The following KCNT2 variants were observed in gnomAD, a reference collection of about 807,000 sequenced individuals.
The protein encoded by KCNT2 is potassium sodium-activated channel subfamily T member 2.
Under a neutral mutation model 153.8 loss-of-function variants are expected in KCNT2, and 67 were observed. The ratio of observed to expected loss-of-function variants is 0.44; its 90% CI spans 0.36 to 0.53. The LOEUF (loss-of-function observed/expected upper bound fraction) is 0.53. Among genes scored for constraint, KCNT2 ranks in the 20% least tolerant of loss-of-function variants. The probability of loss-of-function intolerance (pLI) is 0.00; values close to 1 mark genes in which losing one functional copy is unlikely to be tolerated. For missense variants in KCNT2, 975 were observed against 1,354.8 expected (o/e 0.72, Z 4.40); for synonymous variants, 500 against 458.8 (o/e 1.09, Z -1.15).
At chr1:196,289,579 G>A (rs1659998625) in intron 22 of KCNT2, among the ~76,000 whole-genome samples, 1 of 152,030 alleles carries the variant, frequency 6.6e-6, no homozygotes, top group Non-Finnish European at 1.5e-5. Flanking sequence ...CCAGAAACAA[G>A]AAACAAACGT....
chr1:196,548,984 A>G (rs1170439238), intron 1 of KCNT2, among the ~76,000 whole-genome samples: 1 of 150,392 alleles, frequency 6.6e-6, no homozygotes, highest in Non-Finnish European at 1.5e-5. Context: ...GAAGGGGAAC[A>G]TCACACTCTG....
chr1:196,564,904 C>A (rs1273443778), intron 1 of KCNT2, among the ~76,000 whole-genome samples: 1 of 151,710 alleles, frequency 6.6e-6, no homozygotes, highest in Non-Finnish European at 1.5e-5. Flanking sequence ...AGCTCCATGG[C>A]CTTTGTTTGG....
At chr1:196,332,822 T>C (rs187859551) in intron 17 of KCNT2, among the ~76,000 whole-genome samples, 1 of 151,316 alleles carries the variant, frequency 6.6e-6, no homozygotes, top group Non-Finnish European at 1.5e-5. Flanking sequence ...TCTCACTCTG[T>C]CGCCCTGGCT....
At chr1:196,257,163 G>A (rs1656586893) in intron 26 of KCNT2, 1 of 829,900 alleles carries the variant, frequency 1.2e-6, no homozygotes, top group South Asian at 5.5e-5. Context: ...TCAAATCAGG[G>A]TTATAAAGAG....
At chr1:196,309,367 A>G (rs767760786) in intron 21 of KCNT2, among the ~76,000 whole-genome samples, 13 of 152,008 alleles carry the variant, frequency 8.6e-5, no homozygotes, top group Admixed American at 6.6e-4. Flanking sequence ...TCAAATAGAA[A>G]TATACACATA....
At position 196,389,397 on chromosome 1, in the gene KCNT2, C is replaced by T. The variant is rs370749375; in HGVS notation, c.1294+9166G>A. Among the ~76,000 whole-genome samples the T allele has an allele frequency of 4.0e-5, 6 of 151,638 alleles. No homozygotes were observed. The South Asian group carries it at 1.0e-3, about 26-fold the overall frequency. ...CTCTCCTTTATTTTCTGGATATAAGCTTGTACAGAAGAGGTTTTATTTCTA... is the reference window on the plus strand; with the variant it reads ...CTCTCCTTTATTTTCTGGATATAAGTTTGTACAGAAGAGGTTTTATTTCTA... On this transcript the variant is annotated intron_variant, in intron 13 of 27. Transcript: ENST00000294725.
intron 1 of KCNT2, among the ~76,000 whole-genome samples, chr1:196,548,720 G>C (rs1657467866): frequency 6.6e-6 from 1 of 152,084 alleles, no homozygotes. Flanking sequence ...GTTTATTGCA[G>C]CACTATTCAC....
intron 13 of KCNT2, among the ~76,000 whole-genome samples, chr1:196,373,800 G>T (rs1668724750): frequency 6.6e-6 from 1 of 151,826 alleles, no homozygotes. Flanking sequence ...TCAAGCAATA[G>T]AATTTGCTAA....
At chr1:196,296,960 C>T (rs1185768242) in intron 22 of KCNT2, among the ~76,000 whole-genome samples, 1 of 151,950 alleles carries the variant, frequency 6.6e-6, no homozygotes, top group Non-Finnish European at 1.5e-5. Flanking sequence ...GTTTCATGTC[C>T]TTGTCTAATG....
At chr1:196,598,053 A>G (rs1558122340) in intron 1 of KCNT2, among the ~76,000 whole-genome samples, 1 of 152,194 alleles carries the variant, frequency 6.6e-6, no homozygotes, top group Admixed American at 6.5e-5. Context: ...ATATTAAAAA[A>G]TAAAACACAT....
intron 13 of KCNT2, among the ~76,000 whole-genome samples, chr1:196,395,524 TA>T (rs900058655): frequency 6.6e-6 from 1 of 151,572 alleles, no homozygotes; most frequent in Non-Finnish European, 1.5e-5. Context: ...GCTTAAAAAT[TA>T]AAAAGATACT....
intron 27 of KCNT2, among the ~76,000 whole-genome samples, chr1:196,231,280 C>T (rs888115160): frequency 1.3e-5 from 2 of 151,602 alleles, no homozygotes; most frequent in African/African-American, 4.8e-5. Context: ...TTGTATGCAC[C>T]GGGAAACCAA....
At chr1:196,545,423 G>T (rs1656947684) in intron 1 of KCNT2, among the ~76,000 whole-genome samples, 1 of 152,082 alleles carries the variant, frequency 6.6e-6, no homozygotes, top group Non-Finnish European at 1.5e-5. Flanking sequence ...GTTTAGGGGA[G>T]ACTGAGCAGA....
At chr1:196,392,938 C>T (rs951954994) in intron 13 of KCNT2, among the ~76,000 whole-genome samples, 3 of 151,292 alleles carry the variant, frequency 2.0e-5, no homozygotes, top group Non-Finnish European at 4.4e-5. Flanking sequence ...GAACTAACTC[C>T]TACTGTTCTG....
At chr1:196,384,127 A>G (rs949078026) in intron 13 of KCNT2, among the ~76,000 whole-genome samples, 2 of 152,200 alleles carry the variant, frequency 1.3e-5, no homozygotes, top group African/African-American at 2.4e-5. Context: ...TGTATATCAA[A>G]TCATCACATT....
At chr1:196,407,011 T>G (rs1233439152) in intron 12 of KCNT2, among the ~76,000 whole-genome samples, 15 of 151,550 alleles carry the variant, frequency 9.9e-5, no homozygotes, top group Admixed American at 9.2e-4. Context: ...TTTTGTACTC[T>G]TTCTGAAAGC....
At chr1:196,429,441 T>A (rs1028058361) in intron 9 of KCNT2, 136 bp downstream of exon 9, 4 of 502,600 alleles carry the variant, frequency 8.0e-6, no homozygotes, top group Middle Eastern at 3.6e-4. Context: ...TTTATGTAAT[T>A]GATTAAATGT....
At chr1:196,549,978 A>G (rs1447652691) in intron 1 of KCNT2, among the ~76,000 whole-genome samples, 1 of 151,914 alleles carries the variant, frequency 6.6e-6, no homozygotes, top group South Asian at 2.1e-4. Flanking sequence ...AGAAGGCCCC[A>G]AAGACAGACA....
At position 196,280,929 on chromosome 1, in the gene KCNT2, C is replaced by T; in HGVS notation, c.2841G>A (p.Leu947=). Residue 947 remains leucine, a synonymous_variant, in exon 25 of 28, where the codon TTG becomes TTA. Coordinates refer to ENST00000294725, the MANE Select transcript of KCNT2 (RefSeq NM_198503.5). ...TGGGAACATCTCCAGTAGAAGAACA[C>T]AACTTCTGATAAAGTCTGGCATAAG... ...IRTYARLYQK[L]CSSTGDVPIG... 1 of 1,610,160 alleles carries T rather than the reference C, an allele frequency of 6.2e-7. No homozygotes were observed. The highest frequency in any genetic ancestry group is 1.1e-5 in the South Asian group (1 of 91,010).
Sources: gnomAD v4.1 joint callset for allele counts (sites outside exome capture counted in the v4.1 genomes callset) on GRCh38, gnomAD v4.1.1 for gene constraint, MANE v1.5 for transcripts, NCBI Gene and HGNC (gene_info 2026-07-23, HGNC 2026-07-21) for gene names.